LMBRD1: variants seen among roughly 807,000 people sequenced by gnomAD.
LMBRD1 encodes lysosomal cobalamin transport escort protein LMBD1.
LMBRD1 carries 64 observed loss-of-function variants against 74.8 expected under a neutral mutation model. That is an observed-to-expected ratio of 0.86 (90% CI 0.70 to 1.05). LMBRD1 has a LOEUF of 1.05. Ranked by LOEUF, LMBRD1 falls within the 50% of genes least tolerant of loss-of-function variation. LMBRD1 has a pLI of 0.00. For synonymous variants in LMBRD1, 204 were observed against 216.3 expected, an observed-to-expected ratio of 0.94 and a Z score of 0.50; for missense variants, 652 against 645.9, an observed-to-expected ratio of 1.01 and a Z score of -0.10.
chr6:69,795,221 C>T (rs1183422972), intron 1 of LMBRD1, among the ~76,000 whole-genome samples: 1 of 152,234 alleles, frequency 6.6e-6, no homozygotes, highest in South Asian at 2.1e-4. Context: ...CTTTTATCCA[C>T]GACAACATTC....
intron 3 of LMBRD1, among the ~76,000 whole-genome samples, chr6:69,779,795 A>G (rs1162643713): frequency 6.6e-6 from 1 of 152,252 alleles, no homozygotes; most frequent in Non-Finnish European, 1.5e-5. Context: ...CAGAAATCTC[A>G]TATGTGGTTT....
chr6:69,750,816 CATAA>C (rs1019622188), intron 4 of LMBRD1, among the ~76,000 whole-genome samples: 6 of 152,038 alleles, frequency 3.9e-5, no homozygotes, highest in Admixed American at 6.6e-5. Context: ...TGACTCTCTT[CATAA>C]ATATTTAAAT....
At position 69,730,756 on chromosome 6, in the gene LMBRD1, G is replaced by T. The variant is rs372212834; in HGVS notation, c.636+7186C>A. The stretch of plus-strand genomic sequence containing the variant: ...AGAATGAAGATGCATCGGTAGTAAA[G>T]AAAATATTCATTAGAATAATGGGCA... On this transcript the variant is annotated intron_variant, in intron 7 of 15. Transcript: ENST00000649934. Among the ~76,000 whole-genome samples the T allele has an allele frequency of 2.0e-5, 3 of 152,074 alleles. No homozygotes were observed. In the East Asian group the frequency reaches 5.8e-4, roughly 29 times the overall value.
chr6:69,700,796 C>A lies in LMBRD1; in HGVS notation c.1157G>T (p.Arg386Leu), dbSNP rs772350306. 2.0e-6 allele frequency: 3 copies of A among 1,512,554 alleles called. No homozygotes were observed. Among genetic ancestry groups the A allele is most frequent in the Non-Finnish European group, 9.0e-7 (1 of 1,110,272 alleles). The allele number at this position is 1,512,554 out of a possible 1,614,324, so 93.7% of individuals were successfully genotyped here. Residue 386 changes from arginine to leucine, a missense_variant, in exon 12 of 16, where the codon CGA becomes CTA. This residue lies in a region of LMBRD1 where 598 missense variants were observed against 581.8 expected (regional missense o/e 1.03). Coordinates refer to ENST00000649934, the MANE Select transcript of LMBRD1 (RefSeq NM_018368.4). ...CCAAAAGAACCATATGCCAATATTT[C>A]GAATTCCTGCCATTGAAGTAAAAAT... ...YFIFTSMAGI[R>L]NIGIWFFWIR...
At chr6:69,791,561 A>G (rs1766086261) in intron 1 of LMBRD1, among the ~76,000 whole-genome samples, 1 of 152,186 alleles carries the variant, frequency 6.6e-6, no homozygotes, top group Non-Finnish European at 1.5e-5. Context: ...TCTAAATAAG[A>G]GCTCTGGTAG....
chr6:69,756,145 G>A (rs1765262475), intron 3 of LMBRD1, among the ~76,000 whole-genome samples: 2 of 152,220 alleles, frequency 1.3e-5, no homozygotes, highest in South Asian at 4.1e-4. Context: ...CAGATCACCT[G>A]AGTTCAGGAG....
At chr6:69,700,299 T>C (rs1299792995) in intron 12 of LMBRD1, among the ~76,000 whole-genome samples, 1 of 151,928 alleles carries the variant, frequency 6.6e-6, no homozygotes, top group Admixed American at 6.6e-5. Flanking sequence ...AAATAACCAA[T>C]GATATGGTAA....
chr6:69,756,738 T>A (rs1765276675), intron 3 of LMBRD1, among the ~76,000 whole-genome samples: 1 of 152,190 alleles, frequency 6.6e-6, no homozygotes, highest in African/African-American at 2.4e-5. Flanking sequence ...AACAAGTGCA[T>A]TTGCCTAAGT....
chr6:69,705,716 G>GCTAC (rs1185401364), intron 9 of LMBRD1: 2 of 1,120,946 alleles, frequency 1.8e-6, no homozygotes, highest in Non-Finnish European at 2.7e-6. Flanking sequence ...GTGGAACCTT[G>GCTAC]CTACCACCTC....
chr6:69,693,884 T>G (rs547268503), intron 14 of LMBRD1, among the ~76,000 whole-genome samples: 3 of 152,218 alleles, frequency 2.0e-5, no homozygotes, highest in African/African-American at 7.2e-5. Flanking sequence ...CTTCTAAGTA[T>G]GTACTGGCAA....
chr6:69,765,667 T>G (rs979513570), intron 3 of LMBRD1, among the ~76,000 whole-genome samples: 3 of 152,170 alleles, frequency 2.0e-5, no homozygotes, highest in Non-Finnish European at 4.4e-5. Flanking sequence ...TCTGTGTGAC[T>G]TTAATAGAGG....
At chr6:69,693,145 G>C (rs1562086238) in intron 14 of LMBRD1, among the ~76,000 whole-genome samples, 2 of 152,144 alleles carry the variant, frequency 1.3e-5, no homozygotes, top group East Asian at 1.9e-4. Flanking sequence ...GACTCACTTT[G>C]AACATAAACT....
Position 69,675,768 on chromosome 6 carries a change from G to C in LMBRD1, c.*390C>G. On this transcript the variant is annotated 3_prime_UTR_variant, in exon 16 of 16. Coordinates refer to ENST00000649934, the MANE Select transcript of LMBRD1 (RefSeq NM_018368.4). ...TATTATTTGGAGGCAATCAGAGAGA[G>C]ACACTTTAAAATTCCACATCACTCT... The C allele has an allele frequency of 4.8e-6, 1 of 208,898 alleles. No individual in the cohort carries two copies. Among genetic ancestry groups the C allele is most frequent in the Non-Finnish European group, 9.8e-6 (1 of 102,234 alleles). 12.9% of individuals were successfully genotyped at this position (208,898 alleles called of 1,614,324 possible).
At chr6:69,685,569 G>A (rs1382013347) in intron 14 of LMBRD1, among the ~76,000 whole-genome samples, 1 of 152,188 alleles carries the variant, frequency 6.6e-6, no homozygotes, top group Non-Finnish European at 1.5e-5. Context: ...GGGAGGCTGA[G>A]GCGGGCAGAT....
rs188788640 is a variant in LMBRD1 at position 69,729,595 on chromosome 6, C to T, written c.636+8347G>A. ...AGGAAGAGACAGCTCTTAATTCACA[C>T]AAAGTTATTTCCTTAAATGGAATTG... is the stretch of plus-strand genomic sequence containing the variant. On this transcript the variant is annotated intron_variant, in intron 7 of 15. Transcript: ENST00000649934. Among the ~76,000 whole-genome samples the T allele has an allele frequency of 3.8e-3, 581 of 152,042 alleles. 10 individuals are homozygous for T. Among genetic ancestry groups the T allele is most frequent in the South Asian group, 0.013 (65 of 4,820 alleles).
intron 14 of LMBRD1, among the ~76,000 whole-genome samples, chr6:69,691,727 T>G (rs1053409321): frequency 6.6e-6 from 1 of 151,752 alleles, no homozygotes; most frequent in Non-Finnish European, 1.5e-5. Context: ...ATACAAAAAA[T>G]TAGCTGGGCG....
intron 9 of LMBRD1, chr6:69,705,864 G>T: frequency 7.5e-7 from 1 of 1,334,388 alleles, no homozygotes; most frequent in Non-Finnish European, 1.1e-6. Context: ...TCAACCGTAA[G>T]ACCACTGGTG....
intron 5 of LMBRD1, among the ~76,000 whole-genome samples, chr6:69,747,621 G>A (rs1353358080): frequency 6.6e-6 from 1 of 152,096 alleles, no homozygotes; most frequent in Non-Finnish European, 1.5e-5. Context: ...TCAACATCTG[G>A]TATGTATCTC....
chr6:69,793,533 G>T (rs1251691830), intron 1 of LMBRD1, among the ~76,000 whole-genome samples: 3 of 152,142 alleles, frequency 2.0e-5, no homozygotes, highest in East Asian at 1.9e-4. Context: ...TTTAAAGGTG[G>T]TGTGAGCCAA....
Sources: allele counts gnomAD v4.1 joint callset (sites outside exome capture counted in the v4.1 genomes callset), GRCh38; gene constraint gnomAD v4.1.1; regional missense constraint gnomAD v4.1.1; transcripts MANE v1.5; gene names NCBI Gene and HGNC (gene_info 2026-07-23, HGNC 2026-07-21).